Variants in MROH1 observed in about 807,000 individuals in gnomAD.
MROH1 encodes maestro heat-like repeat-containing protein family member 1.
Under a neutral mutation model 116.5 loss-of-function variants are expected in MROH1, and 117 were observed. The ratio of observed to expected loss-of-function variants is 1.00; its 90% CI spans 0.86 to 1.17. MROH1 has a LOEUF of 1.17. Among genes scored for constraint, MROH1 ranks in the 50% most tolerant of loss-of-function variants. MROH1 has a pLI of 0.00. For synonymous variants in MROH1, 921 were observed against 583.9 expected (o/e 1.58, Z -8.32); for missense variants, 1,873 against 1,338.5 (o/e 1.40, Z -6.23).
In MROH1 at chr8:144,180,404, T is replaced by G; in HGVS notation, c.464-21T>G. The G allele has an allele frequency of 6.2e-7, 1 of 1,612,602 alleles. No homozygotes were observed. Among genetic ancestry groups the G allele is most frequent in the Non-Finnish European group, 8.5e-7 (1 of 1,179,660 alleles). On this transcript the variant is annotated intron_variant, in intron 6 of 43. Coordinates refer to ENST00000326134, the MANE Select transcript of MROH1 (RefSeq NM_032450.3). This position sits in a 1 kb window ranked among gnomAD's most constrained non-coding sequence, Gnocchi z 7.4. ...CGCTGGAAGCCTTGGCGGAGGCCTT[T>G]GACGGTGTCCTCTCTCACAGCGTTC...
intron 13 of MROH1, 34 bp downstream of exon 13, chr8:144,220,707 C>T (rs368275792): frequency 6.5e-7 from 1 of 1,540,706 alleles, no homozygotes; most frequent in African/African-American, 1.4e-5. Flanking sequence ...GCTGCACCAC[C>T]ACACCACAGG....
Position 144,244,663 on chromosome 8 carries a change from G to A in MROH1, c.2766+124G>A, listed in dbSNP as rs2133009486. On this transcript the variant is annotated intron_variant, in intron 28 of 43. Transcript: ENST00000326134. ...AGTTTGGTGCTCTCTGCACTTGGGGGTGGTTTATGAACAGGCAGGTGCACC... is the reference window on the plus strand; with the variant it reads ...AGTTTGGTGCTCTCTGCACTTGGGGATGGTTTATGAACAGGCAGGTGCACC... 8 of 685,120 alleles carry A rather than the reference G, an allele frequency of 1.2e-5. No homozygotes were observed. In the South Asian group the frequency reaches 1.2e-4, roughly 11 times the overall value. The allele number at this position is 685,120 out of a possible 1,614,324, so 42.4% of individuals were successfully genotyped here. A position where few individuals can be genotyped will look rare whatever the true frequency, so the allele number is the denominator to read the frequency against.
chr8:144,218,717 C>CT (rs1296238265), intron 12 of MROH1, among the ~76,000 whole-genome samples: 1 of 74,252 alleles, frequency 1.3e-5, no homozygotes, highest in African/African-American at 5.6e-5. Flanking sequence ...CTCCTGTCCC[C>CT]CCTCCCCTCC....
intron 12 of MROH1, among the ~76,000 whole-genome samples, chr8:144,217,311 G>T (rs1835488904): frequency 6.6e-6 from 1 of 152,330 alleles, no homozygotes; most frequent in South Asian, 2.1e-4. Flanking sequence ...CAAAATTTTA[G>T]AAATCCTGTA....
rs866320955 is a variant in MROH1, at chr8:144,180,118, A to G, written c.301-60A>G. ...GTGCGCTTGTCCAAGGCTGGCAGCGACTGAGGGCAGAATGTCTTGGTCTTG... is the reference window on the plus strand; with the variant it reads ...GTGCGCTTGTCCAAGGCTGGCAGCGGCTGAGGGCAGAATGTCTTGGTCTTG... On this transcript the variant is annotated intron_variant, in intron 5 of 43. Coordinates refer to ENST00000326134, the MANE Select transcript of MROH1 (RefSeq NM_032450.3). This position sits in a 1 kb window ranked among gnomAD's most constrained non-coding sequence, Gnocchi z 7.4. 6.3e-7 allele frequency: 1 copy of G among 1,598,300 alleles called. No individual in the cohort carries two copies. Among genetic ancestry groups the G allele is most frequent in the Middle Eastern group, 1.7e-4 (1 of 6,000 alleles).
chr8:144,248,730 A>T, intron 31 of MROH1, 147 bp from the exon 32 acceptor site: 1 of 672,022 alleles, frequency 1.5e-6, no homozygotes, highest in Non-Finnish European at 2.7e-6. Context: ...GAGCTCATTG[A>T]AGGCGCAGGG....
chr8:144,149,560 G>A (rs987874189), intron 1 of MROH1, among the ~76,000 whole-genome samples: 6 of 152,018 alleles, frequency 3.9e-5, no homozygotes, highest in Non-Finnish European at 7.4e-5. Flanking sequence ...GTCCACAGAG[G>A]CCCAGGAGAG....
rs139712660 is a variant in MROH1 at position 144,171,045 on chromosome 8, G to A, written c.168+2605G>A. Among the ~76,000 whole-genome samples the A allele has an allele frequency of 7.2e-4, 109 of 152,360 alleles. 2 individuals carry two copies. Among genetic ancestry groups the A allele is most frequent in the Middle Eastern group, 6.8e-3 (2 of 294 alleles). ...AAATGGGGGGGATTTCTCTCCACCAGTAAACAGCAGTCAGTTGTGCAGTGG... is the reference window on the plus strand; with the variant it reads ...AAATGGGGGGGATTTCTCTCCACCAATAAACAGCAGTCAGTTGTGCAGTGG... On this transcript the variant is annotated intron_variant, in intron 4 of 43. Coordinates refer to ENST00000326134, the MANE Select transcript of MROH1 (RefSeq NM_032450.3).
At chr8:144,201,231 A>T (rs1316589458) in intron 12 of MROH1, 1 of 150,312 alleles carries the variant, frequency 6.7e-6, no homozygotes, top group Admixed American at 6.6e-5. Flanking sequence ...TAACTTTTGT[A>T]TTTTTTTTTA....
At chr8:144,178,477 C>T (rs1219757556) in intron 4 of MROH1, among the ~76,000 whole-genome samples, 1 of 151,980 alleles carries the variant, frequency 6.6e-6, no homozygotes, top group Non-Finnish European at 1.5e-5. Context: ...CCATGTTGGC[C>T]AGGCTGGTCT....
chr8:144,185,364 T>A (rs1034958638), intron 7 of MROH1, among the ~76,000 whole-genome samples: 3 of 151,926 alleles, frequency 2.0e-5, no homozygotes, highest in African/African-American at 7.3e-5. Context: ...CTTTAGAAAA[T>A]AAGCAGTTGG....
At chr8:144,225,527 A>G (rs992331286) in intron 14 of MROH1, among the ~76,000 whole-genome samples, 1 of 151,652 alleles carries the variant, frequency 6.6e-6, no homozygotes, top group African/African-American at 2.4e-5. Context: ...ACTGTCTTTC[A>G]GAGAGCAGAA....
chr8:144,218,664 CCCTCCCGTCCCCTCTCCCCTCCCCTCTCT>C (rs1273482485), intron 12 of MROH1, among the ~76,000 whole-genome samples: 1 of 115,170 alleles, frequency 8.7e-6, no homozygotes, highest in Non-Finnish European at 1.9e-5. Flanking sequence ...CCCTCCTCTC[CCCTCCCGTCCCCTCTCCCCTCCCCTCTCT>C]CCTCCCCTCT....
At chr8:144,237,843 G>A (rs1431195015) in intron 14 of MROH1, among the ~76,000 whole-genome samples, 1 of 152,144 alleles carries the variant, frequency 6.6e-6, no homozygotes, top group Non-Finnish European at 1.5e-5. Flanking sequence ...ATTGTCCCCA[G>A]TCTGTGTCCT....
intron 12 of MROH1, among the ~76,000 whole-genome samples, chr8:144,218,681 C>CT (rs1835852620): frequency 7.7e-5 from 4 of 52,242 alleles, no homozygotes; most frequent in Admixed American, 2.3e-4. Flanking sequence ...GTCCCCTCTC[C>CT]CCTCCCCTCT....
At chr8:144,241,701 A>C (rs1841012241) in intron 22 of MROH1, among the ~76,000 whole-genome samples, 184 bp downstream of exon 22, 1 of 152,212 alleles carries the variant, frequency 6.6e-6, no homozygotes, top group Admixed American at 6.5e-5. Context: ...GGGCGGCAGA[A>C]TGGCCTCCCG....
At chr8:144,255,292 C>T (rs1214333303) in intron 34 of MROH1, among the ~76,000 whole-genome samples, 2 of 152,248 alleles carry the variant, frequency 1.3e-5, no homozygotes, top group Non-Finnish European at 2.9e-5. Flanking sequence ...GAGGTCTGTC[C>T]TGTGAAGGCT....
rs775886433 is a variant in MROH1, at chr8:144,168,308, C to T, written c.36C>T (p.Thr12=). The part of the protein sequence containing the change: ...TESSMKKLAS[T]LLDAITDKDP... The stretch of plus-strand genomic sequence containing the variant: ...TTGTCGCTGCAGAGCTGGCCTCCAC[C>T]CTGCTGGACGCCATCACCGATAAGG... Residue 12 remains threonine (T), a synonymous_variant, in exon 4 of 44, where the codon ACC becomes ACT. Transcript: ENST00000326134. The T allele has an allele frequency of 2.5e-6, 4 of 1,604,684 alleles. No homozygotes were observed.
At position 144,163,610 on chromosome 8, in the gene MROH1, C is replaced by G. The variant is rs188608907; in HGVS notation, c.-56-161C>G. 5.9e-5 allele frequency among the ~76,000 whole-genome samples: 9 copies of G among 152,248 alleles called. No individual in the cohort carries two copies. In the East Asian group the frequency reaches 9.6e-4, roughly 16 times the overall value. On this transcript the variant is annotated intron_variant, in intron 2 of 43. Coordinates refer to ENST00000326134, the MANE Select transcript of MROH1 (RefSeq NM_032450.3). The surrounding 1 kb of genome is among the most constrained non-coding windows in gnomAD (Gnocchi z 4.4). Reference sequence around the variant, plus strand: ...CTGGAAACTGTTGAGGATCATGATGCCTTTTGCCCTCCCTGAGTGGCTCAA... The same window carrying G: ...CTGGAAACTGTTGAGGATCATGATGGCTTTTGCCCTCCCTGAGTGGCTCAA...
Sources: allele counts gnomAD v4.1 joint callset (sites outside exome capture counted in the v4.1 genomes callset), GRCh38; gene constraint gnomAD v4.1.1; non-coding constraint Gnocchi (gnomAD v3.1); transcripts MANE v1.5; gene names NCBI Gene and HGNC (gene_info 2026-07-23, HGNC 2026-07-21).